SIPA1L2: variants seen among roughly 807,000 people sequenced by gnomAD.
SIPA1L2 encodes signal induced proliferation associated 1 like 2.
SIPA1L2 carries 56 observed loss-of-function variants against 163.9 expected under a neutral mutation model. The observed-to-expected ratio is 0.34, with a 90% CI of 0.28 to 0.43. The LOEUF (loss-of-function observed/expected upper bound fraction) is 0.43. Ranked by LOEUF, SIPA1L2 falls within the 20% of genes least tolerant of loss-of-function variation. The pLI is 1.00. For missense variants in SIPA1L2, 1,974 were observed against 2,193.5 expected (o/e 0.90, Z 2.00); for synonymous variants, 877 against 865.7 (o/e 1.01, Z -0.23).
chr1:232,419,296 A>G (rs1244499752), intron 18 of SIPA1L2, among the ~76,000 whole-genome samples: 1 of 152,232 alleles, frequency 6.6e-6, no homozygotes, highest in African/African-American at 2.4e-5. Context: ...CTCCATGAAT[A>G]ATCAACATGA....
chr1:232,464,221 G>A (rs148999242), intron 9 of SIPA1L2, among the ~76,000 whole-genome samples: 187 of 152,200 alleles, frequency 1.2e-3, no homozygotes, highest in African/African-American at 4.2e-3. Context: ...TTAAAATTGG[G>A]AGCAGAAATA....
chr1:232,611,931 A>G (rs1023541177), intron 1 of SIPA1L2, among the ~76,000 whole-genome samples: 5 of 152,212 alleles, frequency 3.3e-5, no homozygotes, highest in African/African-American at 1.2e-4. Context: ...ACAGGCCCAG[A>G]AACCTAGGAG....
At chr1:232,454,308 A>C (rs183093593) in intron 10 of SIPA1L2, among the ~76,000 whole-genome samples, 44 of 152,350 alleles carry the variant, frequency 2.9e-4, no homozygotes, top group Admixed American at 7.8e-4. Context: ...TATCGTATGA[A>C]ATAGGAAGTG....
At chr1:232,601,317 T>C (rs1359733388) in intron 1 of SIPA1L2, among the ~76,000 whole-genome samples, 1 of 152,170 alleles carries the variant, frequency 6.6e-6, no homozygotes, top group Non-Finnish European at 1.5e-5. Context: ...GCCCAAGCAA[T>C]CCTCCTACAG....
intron 2 of SIPA1L2, among the ~76,000 whole-genome samples, chr1:232,526,150 T>A (rs915301840): frequency 6.6e-6 from 1 of 152,182 alleles, no homozygotes; most frequent in Non-Finnish European, 1.5e-5. Context: ...ACTCTCCTAG[T>A]CCCTGTAGTG....
At position 232,531,796 on chromosome 1, in the gene SIPA1L2, C is replaced by T. The variant is rs919108203; in HGVS notation, c.-269-16188G>A. On this transcript the variant is annotated intron_variant, in intron 2 of 22. Transcript: ENST00000674635. ...ATGTAGGTGCCGGTATGGGCGTTAA[C>T]GGAAGGGTACGGTGGCTAAGGAAAT... Among the ~76,000 whole-genome samples the T allele has an allele frequency of 1.8e-4, 28 of 151,924 alleles. 1 individual carries two copies. The highest frequency in any genetic ancestry group is 5.8e-4 in the East Asian group (3 of 5,176).
chr1:232,532,529 T>C (rs531248525), intron 2 of SIPA1L2, among the ~76,000 whole-genome samples: 20 of 152,350 alleles, frequency 1.3e-4, no homozygotes, highest in South Asian at 4.1e-4. Context: ...AACTCAGCTA[T>C]ATGTTCAAAT....
rs186082109 is a variant in SIPA1L2 at position 232,406,825 on chromosome 1, C to T, written c.4763-2647G>A. On this transcript the variant is annotated intron_variant, in intron 19 of 22. Transcript: ENST00000674635. ...ACATGCCAGATGGAACATCCAAGTA[C>T]GAGGCTAGTTGAAATTAAACCTATT... Among the ~76,000 whole-genome samples the T allele has an allele frequency of 1.4e-3, 206 of 152,312 alleles. 1 individual carries two copies. The highest frequency in any genetic ancestry group is 3.4e-3 in the Middle Eastern group (1 of 294).
At position 232,462,499 on chromosome 1, in the gene SIPA1L2, A is replaced by G. The variant is rs1360056563; in HGVS notation, c.2821-1338T>C. On this transcript the variant is annotated intron_variant, in intron 9 of 22. Coordinates refer to ENST00000674635, the MANE Select transcript of SIPA1L2 (RefSeq NM_020808.5). ...GTTACCACAAGTGCACACAATGCCA[A>G]TCAGCTTTTCCCAGACAGGCATGAC... 1.2e-5 allele frequency: 9 copies of G among 757,808 alleles called. No individual in the cohort carries two copies. The East Asian group carries it at 1.2e-4, about 10-fold the overall frequency. 46.9% of individuals were successfully genotyped at this position (757,808 alleles called of 1,614,324 possible).
chr1:232,554,491 C>G (rs548036878), intron 2 of SIPA1L2, among the ~76,000 whole-genome samples: 4 of 152,344 alleles, frequency 2.6e-5, no homozygotes, highest in Non-Finnish European at 4.4e-5. Context: ...AAAAGTCTTT[C>G]CACAATGCTA....
intron 1 of SIPA1L2, among the ~76,000 whole-genome samples, chr1:232,604,456 T>C (rs1170745324): frequency 6.6e-6 from 1 of 152,226 alleles, no homozygotes. Flanking sequence ...TGCCAGGCAC[T>C]TGACAAAGCA....
intron 2 of SIPA1L2, among the ~76,000 whole-genome samples, chr1:232,568,444 T>C (rs1433211567): frequency 6.6e-6 from 1 of 152,176 alleles, no homozygotes; most frequent in African/African-American, 2.4e-5. Flanking sequence ...TTGACTGTTG[T>C]GGTATGACAG....
intron 15 of SIPA1L2, among the ~76,000 whole-genome samples, chr1:232,437,769 G>A (rs1182374344): frequency 6.6e-6 from 1 of 152,184 alleles, no homozygotes; most frequent in African/African-American, 2.4e-5. Context: ...TGGCTTTGGA[G>A]AGGGCAGAAA....
chr1:232,608,192 TAC>T (rs1662065146), intron 1 of SIPA1L2, among the ~76,000 whole-genome samples: 1 of 151,894 alleles, frequency 6.6e-6, no homozygotes, highest in Admixed American at 6.6e-5. Flanking sequence ...AATACAGGCA[TAC>T]ATCACCACAC....
chr1:232,438,716 G>A (rs978076210), intron 15 of SIPA1L2, among the ~76,000 whole-genome samples: 26 of 152,228 alleles, frequency 1.7e-4, no homozygotes, highest in African/African-American at 6.0e-4. Flanking sequence ...GGAGCTACAT[G>A]TGCTCTACGC....
chr1:232,593,367 G>C (rs572199055), intron 1 of SIPA1L2, among the ~76,000 whole-genome samples: 1 of 152,212 alleles, frequency 6.6e-6, no homozygotes, highest in South Asian at 2.1e-4. Context: ...CGCTCAGCAC[G>C]CACGGGCTGT....
At chr1:232,462,301 C>T (rs980581024) in intron 9 of SIPA1L2, 3 of 1,549,170 alleles carry the variant, frequency 1.9e-6, no homozygotes, top group African/African-American at 1.4e-5. Context: ...GTATCATACT[C>T]CTATCCCCAA....
At chr1:232,504,068 G>A (rs1031826757) in intron 3 of SIPA1L2, among the ~76,000 whole-genome samples, 13 of 152,190 alleles carry the variant, frequency 8.5e-5, no homozygotes, top group African/African-American at 3.1e-4. Context: ...TGAGTGTGGT[G>A]GTGCATGTCT....
At chr1:232,581,011 C>A (rs939791152) in intron 1 of SIPA1L2, among the ~76,000 whole-genome samples, 2 of 152,120 alleles carry the variant, frequency 1.3e-5, no homozygotes, top group African/African-American at 4.8e-5. Flanking sequence ...ACTCAACATG[C>A]AGAAGATGGA....
Sources: allele counts gnomAD v4.1 joint callset (sites outside exome capture counted in the v4.1 genomes callset), GRCh38; gene constraint gnomAD v4.1.1; transcripts MANE v1.5; gene names NCBI Gene and HGNC (gene_info 2026-07-23, HGNC 2026-07-21).